The following NEGR1 variants were observed in gnomAD, a reference collection of about 807,000 sequenced individuals.
NEGR1 encodes the protein IgLON family member 4.
In NEGR1, 10 loss-of-function variants were observed where a neutral mutation model predicts 40.9. The observed-to-expected ratio is 0.24, with a 90% CI of 0.15 to 0.42. The LOEUF (loss-of-function observed/expected upper bound fraction) is 0.42. Among genes scored for constraint, NEGR1 ranks in the 10% least tolerant of loss-of-function variants. The probability of loss-of-function intolerance (pLI) is 1.00; values close to 1 mark genes in which losing one functional copy is unlikely to be tolerated. For synonymous variants in NEGR1, 185 were observed against 166.8 expected (o/e 1.11, Z -0.84); for missense variants, 352 against 438.9 (o/e 0.80, Z 1.77).
intron 2 of NEGR1, among the ~76,000 whole-genome samples, chr1:71,883,758 A>G (rs988441494): frequency 8.6e-6 from 1 of 116,028 alleles, no homozygotes; most frequent in Non-Finnish European, 1.6e-5. Flanking sequence ...CTGGTGTGTG[A>G]TGTTCCCCAT....
At chr1:72,274,806 A>C (rs140988767) in intron 1 of NEGR1, 2 of 1,478,590 alleles carry the variant, frequency 1.4e-6, no homozygotes, top group African/African-American at 2.8e-5. Context: ...GGGTAGAAAA[A>C]GTGGGCCAGG....
intron 1 of NEGR1, among the ~76,000 whole-genome samples, chr1:72,237,491 A>G (rs1402729475): frequency 6.6e-6 from 1 of 151,930 alleles, no homozygotes; most frequent in South Asian, 2.1e-4. Flanking sequence ...ACTTCTCCCA[A>G]AATGCTCCAC....
chr1:71,663,849 T>G (rs1030957913), intron 4 of NEGR1, among the ~76,000 whole-genome samples: 1 of 152,202 alleles, frequency 6.6e-6, no homozygotes, highest in Non-Finnish European at 1.5e-5. Flanking sequence ...AGTTATAGCT[T>G]TCCTCTGCAG....
intron 6 of NEGR1, among the ~76,000 whole-genome samples, chr1:71,415,998 C>T (rs1212385797): frequency 6.6e-6 from 1 of 152,018 alleles, no homozygotes; most frequent in Non-Finnish European, 1.5e-5. Context: ...ACACATTGCC[C>T]TTACTATACA....
intron 1 of NEGR1, among the ~76,000 whole-genome samples, chr1:72,186,773 T>C (rs1484069392): frequency 1.3e-5 from 2 of 151,624 alleles, no homozygotes; most frequent in Non-Finnish European, 3.0e-5. Context: ...TGATAAATTC[T>C]CATAGAGTAC....
chr1:72,040,894 G>A (rs1646947734), intron 1 of NEGR1, among the ~76,000 whole-genome samples: 2 of 151,900 alleles, frequency 1.3e-5, no homozygotes, highest in South Asian at 4.2e-4. Flanking sequence ...ACATTCCTCT[G>A]TCCACCAAAA....
At chr1:71,789,125 A>C (rs1657020581) in intron 2 of NEGR1, among the ~76,000 whole-genome samples, 1 of 152,102 alleles carries the variant, frequency 6.6e-6, no homozygotes, top group Non-Finnish European at 1.5e-5. Context: ...AGTTATACAC[A>C]TATGGAGGCT....
chr1:72,147,489 A>G (rs1442993732), intron 1 of NEGR1, among the ~76,000 whole-genome samples: 1 of 152,136 alleles, frequency 6.6e-6, no homozygotes, highest in East Asian at 1.9e-4. Context: ...TCTGGGACAT[A>G]CCATGCAAGT....
At chr1:72,133,571 T>TA (rs1650336678) in intron 1 of NEGR1, among the ~76,000 whole-genome samples, 1 of 151,958 alleles carries the variant, frequency 6.6e-6, no homozygotes, top group South Asian at 2.1e-4. Context: ...ACTTGTTAAT[T>TA]AAAAAAGTGA....
intron 2 of NEGR1, among the ~76,000 whole-genome samples, chr1:71,924,993 G>A (rs1645758662): frequency 6.6e-6 from 1 of 151,908 alleles, no homozygotes; most frequent in Non-Finnish European, 1.5e-5. Context: ...ATGAAGCTAG[G>A]CAGAAAGAAA....
intron 1 of NEGR1, among the ~76,000 whole-genome samples, chr1:72,174,230 A>C (rs1051122184): frequency 1.1e-4 from 16 of 152,160 alleles, no homozygotes; most frequent in Non-Finnish European, 1.6e-4. Flanking sequence ...GAAAGTACAG[A>C]AGTCCCATAT....
chr1:72,218,398 T>C (rs1653896632), intron 1 of NEGR1, among the ~76,000 whole-genome samples: 2 of 152,016 alleles, frequency 1.3e-5, no homozygotes, highest in African/African-American at 2.4e-5. Flanking sequence ...TCTCAAAATA[T>C]AAAATAAGCT....
At chr1:71,550,715 C>T (rs932362802) in intron 6 of NEGR1, among the ~76,000 whole-genome samples, 2 of 151,590 alleles carry the variant, frequency 1.3e-5, no homozygotes, top group African/African-American at 4.8e-5. Context: ...TTATCTAAAT[C>T]ACTTAGTAGG....
chr1:71,633,287 ATC>A (rs1429029604), intron 4 of NEGR1, among the ~76,000 whole-genome samples: 1 of 152,102 alleles, frequency 6.6e-6, no homozygotes, highest in Non-Finnish European at 1.5e-5. Context: ...TTTTTTTGTC[ATC>A]TCTTCAGTAA....
At chr1:71,657,777 G>T (rs972675954) in intron 4 of NEGR1, among the ~76,000 whole-genome samples, 2 of 152,098 alleles carry the variant, frequency 1.3e-5, no homozygotes, top group Non-Finnish European at 2.9e-5. Flanking sequence ...GAAAAAGTTT[G>T]TTACAACAAA....
At chr1:71,688,296 G>A (rs1404009471) in intron 4 of NEGR1, among the ~76,000 whole-genome samples, 1 of 85,112 alleles carries the variant, frequency 1.2e-5, no homozygotes, top group Non-Finnish European at 2.2e-5. Context: ...TGAACTGGAG[G>A]AGTTTCCCTT....
In NEGR1 at chr1:71,920,757, T is replaced by C. The variant is rs1327106897; in HGVS notation, c.409+14322A>G. Among the ~76,000 whole-genome samples, 4 of 152,222 alleles carry C rather than the reference T, an allele frequency of 2.6e-5. No homozygotes were observed. In the South Asian group the frequency reaches 8.3e-4, roughly 32 times the overall value. On this transcript the variant is annotated intron_variant, in intron 2 of 6. Transcript: ENST00000357731. ...TGAAGAGGCACAAATTGCTCTTCAC[T>C]AGTTTCTCCACCCGGCACAGGTGCA...
chr1:71,631,993 C>A (rs1557593896), intron 4 of NEGR1, among the ~76,000 whole-genome samples: 1 of 151,520 alleles, frequency 6.6e-6, no homozygotes, highest in Non-Finnish European at 1.5e-5. Context: ...CTCTGTAATA[C>A]AGGAATAATA....
chr1:71,959,362 C>G (rs1432060646), intron 1 of NEGR1, among the ~76,000 whole-genome samples: 2 of 152,080 alleles, frequency 1.3e-5, no homozygotes, highest in African/African-American at 2.4e-5. Context: ...CAATATCCAC[C>G]CAGTTAAACA....
Sources: allele counts gnomAD v4.1 joint callset (sites outside exome capture counted in the v4.1 genomes callset), GRCh38; gene constraint gnomAD v4.1.1; transcripts MANE v1.5; gene names NCBI Gene and HGNC (gene_info 2026-07-23, HGNC 2026-07-21).